The following FBXW8 variants were observed in gnomAD, a reference collection of about 807,000 sequenced individuals.
The protein encoded by FBXW8 is F-box/WD repeat-containing protein 8.
Under a neutral mutation model 65.3 loss-of-function variants are expected in FBXW8, and 57 were observed. The ratio of observed to expected loss-of-function variants is 0.87; its 90% CI spans 0.71 to 1.09. The LOEUF (loss-of-function observed/expected upper bound fraction) is 1.09, where lower values mean the gene tolerates loss of function less well. Ranked by LOEUF, FBXW8 falls within the 50% of genes least tolerant of loss-of-function variation. The probability of loss-of-function intolerance (pLI) is 0.00; values close to 1 mark genes in which losing one functional copy is unlikely to be tolerated. For synonymous variants in FBXW8, 308 were observed against 330.2 expected, an observed-to-expected ratio of 0.93 and a Z score of 0.73; for missense variants, 777 against 814.8, an observed-to-expected ratio of 0.95 and a Z score of 0.57.
At chr12:116,992,117 A>C (rs1418119817) in intron 7 of FBXW8, among the ~76,000 whole-genome samples, 2 of 152,238 alleles carry the variant, frequency 1.3e-5, no homozygotes, top group African/African-American at 4.8e-5. Context: ...GTTAATAAAC[A>C]TAGTTTTCTA....
At chr12:116,979,184 T>C (rs528424584) in intron 5 of FBXW8, 2 of 152,358 alleles carry the variant, frequency 1.3e-5, no homozygotes, top group African/African-American at 4.8e-5. Context: ...TTTCCAGATA[T>C]CGAGTAATCT....
chr12:117,026,052 T>A (rs1954219526), intron 9 of FBXW8, among the ~76,000 whole-genome samples: 4 of 152,204 alleles, frequency 2.6e-5, no homozygotes. Context: ...CTCACTGACT[T>A]GCTCAAGGCC....
chr12:117,016,642 G>GTT (rs59614258), intron 8 of FBXW8, among the ~76,000 whole-genome samples: 10 of 138,436 alleles, frequency 7.2e-5, no homozygotes, highest in South Asian at 4.5e-4. Flanking sequence ...TATTTGTCTG[G>GTT]TTTTTTTTTT....
intron 9 of FBXW8, among the ~76,000 whole-genome samples, chr12:117,024,559 C>T (rs770950136): frequency 5.3e-5 from 8 of 152,314 alleles, no homozygotes; most frequent in Middle Eastern, 3.4e-3. Flanking sequence ...TCATTCAGAT[C>T]GCCACAATTC....
At position 116,945,429 on chromosome 12, in the gene FBXW8, A is replaced by G. The variant is rs370914359; in HGVS notation, c.489A>G (p.Glu163=). ...TGTGGTACAGGCTGTGCCAGCAGGA[A>G]GGGCACCTTCCGGATAGCAGCATCT... The part of the protein sequence containing the change: ...EVLWYRLCQQ[E]GHLPDSSISD... The change falls in exon 3 of 11, where the codon GAA becomes GAG. Residue 163 remains glutamate, a synonymous_variant. Transcript: ENST00000652555. 1.2e-6 allele frequency: 2 copies of G among 1,614,034 alleles called. No individual in the cohort carries two copies. Among genetic ancestry groups the G allele is most frequent in the Non-Finnish European group, 1.7e-6 (2 of 1,180,038 alleles).
chr12:116,957,974 C>A (rs1312402289), intron 4 of FBXW8, among the ~76,000 whole-genome samples: 1 of 152,128 alleles, frequency 6.6e-6, no homozygotes, highest in Non-Finnish European at 1.5e-5. Context: ...TGCATTTATC[C>A]ATCTCTGGTT....
intron 1 of FBXW8, among the ~76,000 whole-genome samples, chr12:116,914,595 G>C (rs903778852): frequency 2.9e-5 from 4 of 137,234 alleles, no homozygotes; most frequent in Non-Finnish European, 4.7e-5. Flanking sequence ...AAAAAAAAAG[G>C]CTGGGCCTGG....
chr12:116,962,023 G>T (rs1340974419), intron 4 of FBXW8, among the ~76,000 whole-genome samples: 5 of 152,128 alleles, frequency 3.3e-5, no homozygotes, highest in Admixed American at 1.3e-4. Context: ...TAGTGGTGCG[G>T]GTAGTGGGCC....
intron 1 of FBXW8, among the ~76,000 whole-genome samples, chr12:116,919,038 A>G (rs1252643887): frequency 6.6e-6 from 1 of 152,222 alleles, no homozygotes; most frequent in Non-Finnish European, 1.5e-5. Flanking sequence ...AACAGCAACA[A>G]CAAAATAGAA....
intron 7 of FBXW8, among the ~76,000 whole-genome samples, chr12:116,997,511 G>T (rs929139602): frequency 4.3e-4 from 66 of 152,188 alleles, no homozygotes; most frequent in African/African-American, 1.4e-3. Context: ...CCCGAGAAAG[G>T]TAATGTCCTT....
At chr12:117,024,084 T>G (rs1954165144) in intron 8 of FBXW8, 63 bp from the exon 9 acceptor site, 1 of 1,559,988 alleles carries the variant, frequency 6.4e-7, no homozygotes. Context: ...GAGGGGGAGT[T>G]TGTCATTTGA....
chr12:117,026,128 G>T (rs554151452), intron 9 of FBXW8, among the ~76,000 whole-genome samples: 1 of 152,314 alleles, frequency 6.6e-6, no homozygotes, highest in Non-Finnish European at 1.5e-5. Context: ...TGTACCTCCC[G>T]CTGTCCGCTT....
In FBXW8 at chr12:117,028,134, T is replaced by C; in HGVS notation, c.1759T>C (p.Tyr587His). 1 of 1,614,192 alleles carries C rather than the reference T, an allele frequency of 6.2e-7. No individual in the cohort carries two copies. The highest frequency in any genetic ancestry group is 8.5e-7 in the Non-Finnish European group (1 of 1,180,026). Residue 587 changes from tyrosine (Y) to histidine (H), a missense_variant, in exon 11 of 11, where the codon TAC becomes CAC. Transcript: ENST00000652555. The surrounding 1 kb of genome is among the most constrained non-coding windows in gnomAD (Gnocchi z 4.1). ...CTGTGACGCCATGGCCACTCACTAC[T>C]ACGACCTCGCACTGGCCTTTCCCTA... ...SSCDAMATHY[Y>H]DLALAFPYNH...
intron 5 of FBXW8, among the ~76,000 whole-genome samples, chr12:116,981,251 C>T (rs1360572606): frequency 6.6e-6 from 1 of 152,152 alleles, no homozygotes; most frequent in South Asian, 2.1e-4. Context: ...ACTCAAACAC[C>T]CCTCCCTGTT....
chr12:116,937,566 A>G (rs1413802027), intron 2 of FBXW8, among the ~76,000 whole-genome samples: 1 of 152,212 alleles, frequency 6.6e-6, no homozygotes, highest in Non-Finnish European at 1.5e-5. Flanking sequence ...TCATCAAGTA[A>G]GAGGAGGACT....
At chr12:117,005,574 T>C (rs1953655197) in intron 7 of FBXW8, among the ~76,000 whole-genome samples, 2 of 152,164 alleles carry the variant, frequency 1.3e-5, no homozygotes, top group African/African-American at 4.8e-5. Context: ...ACCACAGATC[T>C]GGGGAAGAGC....
chr12:116,975,069 C>G (rs1186222769), intron 5 of FBXW8, among the ~76,000 whole-genome samples: 1 of 152,084 alleles, frequency 6.6e-6, no homozygotes, highest in Non-Finnish European at 1.5e-5. Flanking sequence ...TCAATAAATA[C>G]TTGAATAAAT....
intron 7 of FBXW8, among the ~76,000 whole-genome samples, chr12:116,994,035 CA>C (rs1237187198): frequency 6.6e-6 from 1 of 152,000 alleles, no homozygotes; most frequent in Non-Finnish European, 1.5e-5. Context: ...AATATGGAAC[CA>C]AAAAGAGCCC....
At chr12:116,993,581 G>A (rs1411746448) in intron 7 of FBXW8, among the ~76,000 whole-genome samples, 4 of 151,986 alleles carry the variant, frequency 2.6e-5, no homozygotes, top group Non-Finnish European at 5.9e-5. Flanking sequence ...TTTTTAATGG[G>A]ATTATTTGTT....
Sources: gnomAD v4.1 joint callset for allele counts (sites outside exome capture counted in the v4.1 genomes callset) on GRCh38, gnomAD v4.1.1 for gene constraint, Gnocchi (gnomAD v3.1) non-coding constraint, MANE v1.5 for transcripts, NCBI Gene and HGNC (gene_info 2026-07-23, HGNC 2026-07-21) for gene names.